The following CMIP variants were observed in gnomAD, a reference collection of about 807,000 sequenced individuals.
CMIP encodes c-Maf inducing protein.
A neutral mutation model predicts 97.3 loss-of-function variants in CMIP; 13 were observed. The ratio of observed to expected loss-of-function variants is 0.13; its 90% confidence interval spans 0.09 to 0.21. The LOEUF is 0.21. Ranked by LOEUF, CMIP falls within the 10% of genes least tolerant of loss-of-function variation. The pLI, the probability that CMIP is intolerant of heterozygous loss-of-function variation, is 1.00. For missense variants in CMIP, 847 were observed against 1,024.9 expected, an observed-to-expected ratio of 0.83 and a Z score of 2.37; for synonymous variants, 538 against 436.3, an observed-to-expected ratio of 1.23 and a Z score of -2.91.
At chr16:81,657,917 C>T (rs900680657) in intron 5 of CMIP, 101 bp downstream of exon 5, 5 of 948,254 alleles carry the variant, frequency 5.3e-6, no homozygotes, top group Admixed American at 5.5e-5. Context: ...CGTAATCCAC[C>T]AGCATCTGGC....
chr16:81,482,857 C>T (rs1279005087), intron 1 of CMIP, among the ~76,000 whole-genome samples: 1 of 152,202 alleles, frequency 6.6e-6, no homozygotes, highest in Non-Finnish European at 1.5e-5. Flanking sequence ...AGGGTCAGCC[C>T]TGGGGTCAGC....
intron 18 of CMIP, among the ~76,000 whole-genome samples, chr16:81,704,465 C>T (rs1456758501): frequency 1.3e-3 from 4 of 3,050 alleles, no homozygotes; most frequent in African/African-American, 2.3e-3. Context: ...ACCCACTTAC[C>T]CTCCTCCCTG....
At chr16:81,628,956 G>C (rs1243018223) in intron 3 of CMIP, among the ~76,000 whole-genome samples, 1 of 151,416 alleles carries the variant, frequency 6.6e-6, no homozygotes, top group Non-Finnish European at 1.5e-5. Context: ...GCCAACATGG[G>C]GAAACCCTGT....
At chr16:81,615,672 C>CTGTGTG (rs936457987) in intron 2 of CMIP, among the ~76,000 whole-genome samples, 1 of 131,946 alleles carries the variant, frequency 7.6e-6, no homozygotes, top group African/African-American at 2.9e-5. Flanking sequence ...GTGTATGTGT[C>CTGTGTG]TGTGTGTGTG....
chr16:81,501,801 G>A (rs1353143327), intron 1 of CMIP, among the ~76,000 whole-genome samples: 2 of 151,992 alleles, frequency 1.3e-5, no homozygotes, highest in African/African-American at 2.4e-5. Flanking sequence ...TAGTAGAGTC[G>A]GGATTTCACC....
chr16:81,596,074 C>G (rs1022663678), intron 1 of CMIP, among the ~76,000 whole-genome samples: 1 of 152,070 alleles, frequency 6.6e-6, no homozygotes, highest in Non-Finnish European at 1.5e-5. Context: ...TTTGGTTTTT[C>G]TCTATCCATC....
At chr16:81,508,019 C>T (rs1216842511) in intron 1 of CMIP, among the ~76,000 whole-genome samples, 1 of 152,216 alleles carries the variant, frequency 6.6e-6, no homozygotes. Flanking sequence ...CCAACCTATC[C>T]ACCCATGCTT....
chr16:81,638,494 T>G (rs2092264367), intron 3 of CMIP, among the ~76,000 whole-genome samples: 1 of 151,916 alleles, frequency 6.6e-6, no homozygotes, highest in African/African-American at 2.4e-5. Flanking sequence ...TAAGGAACCC[T>G]GAGAAACTGG....
rs545402782 is a variant in CMIP at position 81,620,933 on chromosome 16, A to G, written c.477+7A>G. ...CCATTCTCTGCAATGGAAGGTAAGT[A>G]CTGACTCGGTTGCTTGTTTAAAGCG... On this transcript the variant is annotated splice_region_variant and intron_variant, in intron 3 of 20. Transcript: ENST00000537098. 1.9e-6 allele frequency: 3 copies of G among 1,613,894 alleles called. No homozygotes were observed. Among genetic ancestry groups the G allele is most frequent in the Non-Finnish European group, 2.5e-6 (3 of 1,179,800 alleles).
intron 7 of CMIP, among the ~76,000 whole-genome samples, chr16:81,668,896 C>T (rs1223000643): frequency 7.7e-6 from 1 of 130,252 alleles, no homozygotes; most frequent in Non-Finnish European, 1.7e-5. Flanking sequence ...TCCGTACCCA[C>T]CTCACACCTT....
At chr16:81,597,384 G>A (rs1378482068) in intron 1 of CMIP, among the ~76,000 whole-genome samples, 1 of 152,178 alleles carries the variant, frequency 6.6e-6, no homozygotes, top group Non-Finnish European at 1.5e-5. Flanking sequence ...GTAGACAAAG[G>A]CCAGGGCGTG....
At chr16:81,679,086 G>C (rs1200054573) in intron 10 of CMIP, among the ~76,000 whole-genome samples, 4 of 152,198 alleles carry the variant, frequency 2.6e-5, no homozygotes, top group Non-Finnish European at 5.9e-5. Context: ...TTGAGTGTGT[G>C]GACATCTCTA....
chr16:81,569,208 T>C (rs536736430), intron 1 of CMIP, among the ~76,000 whole-genome samples: 1 of 152,204 alleles, frequency 6.6e-6, no homozygotes, highest in Admixed American at 6.5e-5. Context: ...TGAGAATATC[T>C]GTAGTGACAG....
chr16:81,623,064 C>T (rs534595172), intron 3 of CMIP, among the ~76,000 whole-genome samples: 4 of 152,244 alleles, frequency 2.6e-5, no homozygotes, highest in East Asian at 1.9e-4. Context: ...ATTAGCCGGG[C>T]GTAGTGGTGC....
At chr16:81,520,954 C>G (rs548562123) in intron 1 of CMIP, among the ~76,000 whole-genome samples, 5 of 152,148 alleles carry the variant, frequency 3.3e-5, no homozygotes, top group Non-Finnish European at 5.9e-5. Flanking sequence ...CCCTGGGTTT[C>G]GCATCCTCTT....
At chr16:81,460,000 G>A (rs956731352) in intron 1 of CMIP, among the ~76,000 whole-genome samples, 9 of 152,174 alleles carry the variant, frequency 5.9e-5, no homozygotes, top group Admixed American at 4.6e-4. Context: ...CCTCCAGTGG[G>A]GAAGGGAAGT....
intron 5 of CMIP, among the ~76,000 whole-genome samples, chr16:81,659,138 C>T (rs1197319207): frequency 6.6e-6 from 1 of 152,200 alleles, no homozygotes; most frequent in African/African-American, 2.4e-5. Flanking sequence ...AACCTGGGCA[C>T]CCCCAATCAC....
chr16:81,558,929 G>A (rs1567578751), intron 1 of CMIP, among the ~76,000 whole-genome samples: 1 of 152,212 alleles, frequency 6.6e-6, no homozygotes, highest in East Asian at 1.9e-4. Flanking sequence ...TGAAAGCAAG[G>A]TGCAAACACT....
At chr16:81,532,708 T>C (rs746793481) in intron 1 of CMIP, among the ~76,000 whole-genome samples, 2 of 152,028 alleles carry the variant, frequency 1.3e-5, no homozygotes, top group Non-Finnish European at 2.9e-5. Context: ...AAGGTGGAGG[T>C]GTGACATCAG....
Sources: allele counts gnomAD v4.1 joint callset (sites outside exome capture counted in the v4.1 genomes callset), GRCh38; gene constraint gnomAD v4.1.1; transcripts MANE v1.5; gene names NCBI Gene and HGNC (gene_info 2026-07-23, HGNC 2026-07-21).